Variants in MMAA observed in about 807,000 individuals in gnomAD.
The protein encoded by MMAA is methylmalonic aciduria type A protein, mitochondrial.
MMAA carries 41 observed loss-of-function variants against 45.0 expected under a neutral mutation model. The ratio of observed to expected loss-of-function variants is 0.91; its 90% CI spans 0.71 to 1.18. The LOEUF is 1.18. Among genes scored for constraint, MMAA ranks in the 50% most tolerant of loss-of-function variants. MMAA has a pLI of 0.00. For missense variants in MMAA, 460 were observed against 495.7 expected, an observed-to-expected ratio of 0.93 and a Z score of 0.68; for synonymous variants, 154 against 178.2, an observed-to-expected ratio of 0.86 and a Z score of 1.08.
chr4:145,620,019 T>G (rs1452605039), intron 1 of MMAA, among the ~76,000 whole-genome samples: 1 of 152,210 alleles, frequency 6.6e-6, no homozygotes, highest in Non-Finnish European at 1.5e-5. Context: ...AATATAAAAA[T>G]TTTTTATTAT....
intron 1 of MMAA, among the ~76,000 whole-genome samples, chr4:145,626,811 A>C (rs1560790962): frequency 1.3e-5 from 2 of 152,172 alleles, no homozygotes; most frequent in Admixed American, 6.5e-5. Flanking sequence ...CACATGATAA[A>C]CACTCAGTAG....
Position 145,639,428 on chromosome 4 carries a change from C to G in MMAA, c.289C>G (p.Gln97Glu). Residue 97 changes from glutamine to glutamate, a missense_variant, in exon 2 of 7, where the codon CAA becomes GAA. Transcript: ENST00000649156. ...DKLYTGLIQG[Q>E]RACLAEAITL... ...ACTTTATACTGGTTTAATCCAAGGGCAAAGGGCCTGTTTAGCAGAGGCCAT... is the reference window on the plus strand; with the variant it reads ...ACTTTATACTGGTTTAATCCAAGGGGAAAGGGCCTGTTTAGCAGAGGCCAT... 1 of 1,614,148 alleles carries G rather than the reference C, an allele frequency of 6.2e-7. No homozygotes were observed. The highest frequency in any genetic ancestry group is 8.5e-7 in the Non-Finnish European group (1 of 1,180,026).
At chr4:145,624,778 C>G (rs1382980440) in intron 1 of MMAA, 1 of 1,604,204 alleles carries the variant, frequency 6.2e-7, no homozygotes, top group East Asian at 2.2e-5. Flanking sequence ...TACACGCACT[C>G]TGCAAAGCTT....
At chr4:145,624,911 A>G in intron 1 of MMAA, 2 of 1,513,932 alleles carry the variant, frequency 1.3e-6, no homozygotes, top group Non-Finnish European at 9.2e-7. Flanking sequence ...CCAAGTGGTC[A>G]TGCAGGCACT....
chr4:145,654,069 G>A lies in MMAA; in HGVS notation c.895G>A (p.Ala299Thr), dbSNP rs1412443856. 1.9e-6 allele frequency: 3 copies of A among 1,614,014 alleles called. No homozygotes were observed. In the African/African-American group the frequency reaches 4.0e-5, roughly 22 times the overall value. ...TKSDGDLIVP[A>T]RRIQAEYVSA... is the part of the protein sequence containing the mutation. ...ATCTGATGGAGACTTGATTGTGCCA[G>A]CTCGAAGGATACAAGCGGAATATGT... Residue 299 changes from alanine to threonine, a missense_variant, in exon 6 of 7, where the codon GCT (alanine) becomes ACT (threonine). Ala to Thr is a moderately conservative substitution (Grantham distance 58). Transcript: ENST00000649156.
At chr4:145,654,268 A>T in intron 6 of MMAA, 125 bp downstream of exon 6, 1 of 1,205,292 alleles carries the variant, frequency 8.3e-7, no homozygotes, top group East Asian at 2.4e-5. Context: ...AGTTTTAAAA[A>T]TCATGACAAA....
At chr4:145,629,614 G>A (rs1411938660) in intron 1 of MMAA, among the ~76,000 whole-genome samples, 1 of 151,990 alleles carries the variant, frequency 6.6e-6, no homozygotes, top group Non-Finnish European at 1.5e-5. Context: ...TTTTCATGTT[G>A]CTGACAAAGA....
In MMAA at chr4:145,656,411, A is replaced by G. The variant is rs1483058168; in HGVS notation, c.*977A>G. The G allele has an allele frequency of 2.6e-5, 4 of 152,084 alleles. No individual in the cohort carries two copies. The highest frequency in any genetic ancestry group is 4.4e-5 in the Non-Finnish European group (3 of 68,006). The allele number at this position is 152,084 out of a possible 1,614,324, so 9.4% of individuals were successfully genotyped here. A position where few individuals can be genotyped will look rare whatever the true frequency, so the allele number is the denominator to read the frequency against. On this transcript the variant is annotated 3_prime_UTR_variant, in exon 7 of 7. Coordinates refer to ENST00000649156, the MANE Select transcript of MMAA (RefSeq NM_172250.3). ...CATGAGCTAATCTCTTTAAGCTTCC[A>G]TTTCCTCCCTGGTAAAATGAAATTG...
In MMAA at chr4:145,658,574, A is replaced by T. The variant is rs1429921521; in HGVS notation, c.*3140A>T. ...CCTAACAAGGCATTTTCTCTTCAGA[A>T]TCACTCGATCATATGGCCATTTCCC... On this transcript the variant is annotated 3_prime_UTR_variant, in exon 7 of 7. Coordinates refer to ENST00000649156, the MANE Select transcript of MMAA (RefSeq NM_172250.3). 6.6e-6 allele frequency: 1 copy of T among 152,162 alleles called. No homozygotes were observed. Among genetic ancestry groups the T allele is most frequent in the Non-Finnish European group, 1.5e-5 (1 of 68,038 alleles). The allele number at this position is 152,162 out of a possible 1,614,324, so 9.4% of individuals were successfully genotyped here. A position where few individuals can be genotyped will look rare whatever the true frequency, so the allele number is the denominator to read the frequency against.
intron 1 of MMAA, among the ~76,000 whole-genome samples, chr4:145,627,328 A>G (rs17020457): frequency 0.017 from 2,536 of 152,294 alleles, 73 homozygotes; most frequent in African/African-American, 0.058. Context: ...AGGTGTCTTG[A>G]TTCAAAACAG....
chr4:145,628,264 T>C (rs1235710235), intron 1 of MMAA, among the ~76,000 whole-genome samples: 1 of 152,246 alleles, frequency 6.6e-6, no homozygotes, highest in African/African-American at 2.4e-5. Flanking sequence ...CTGTATTAGT[T>C]TCCTATAGCT....
chr4:145,647,950 G>A (rs1017352042), intron 4 of MMAA, among the ~76,000 whole-genome samples: 5 of 151,738 alleles, frequency 3.3e-5, no homozygotes, highest in Non-Finnish European at 5.9e-5. Context: ...TCCGCCTCCC[G>A]GGTTCACGCC....
At chr4:145,646,968 G>GGAGCAGGAAGATCCTGCTGGAT (rs1355642035) in intron 4 of MMAA, among the ~76,000 whole-genome samples, 14 of 152,300 alleles carry the variant, frequency 9.2e-5, no homozygotes, top group Admixed American at 2.0e-4. Flanking sequence ...TACCCTGAAA[G>GGAGCAGGAAGATCCTGCTGGAT]GAGCAGGAAG....
At chr4:145,641,981 T>C (rs910114787) in intron 2 of MMAA, among the ~76,000 whole-genome samples, 5 of 152,176 alleles carry the variant, frequency 3.3e-5, no homozygotes, top group Non-Finnish European at 5.9e-5. Context: ...GGAAGAAGTA[T>C]ACAGAACTGA....
intron 4 of MMAA, among the ~76,000 whole-genome samples, chr4:145,648,101 C>T (rs1406429092): frequency 2.0e-5 from 3 of 150,268 alleles, no homozygotes; most frequent in Admixed American, 6.7e-5. Context: ...CCTTGTGATC[C>T]GCCTGCCTCA....
chr4:145,633,208 T>C (rs1474928101), intron 1 of MMAA, among the ~76,000 whole-genome samples: 4 of 146,494 alleles, frequency 2.7e-5, no homozygotes, highest in Non-Finnish European at 6.0e-5. Context: ...TTTTTTTTTT[T>C]TTTTTTTTTG....
chr4:145,621,982 T>G (rs997521745), intron 1 of MMAA, among the ~76,000 whole-genome samples: 9 of 152,146 alleles, frequency 5.9e-5, no homozygotes, highest in African/African-American at 2.2e-4. Context: ...GAGTAATCAG[T>G]GTAGTGGAGT....
intron 1 of MMAA, among the ~76,000 whole-genome samples, chr4:145,629,873 C>T (rs181594710): frequency 6.6e-6 from 1 of 152,202 alleles, no homozygotes; most frequent in East Asian, 1.9e-4. Flanking sequence ...CAGTCATTTC[C>T]CACTGGGTGC....
chr4:145,619,800 C>T (rs954841210), intron 1 of MMAA, among the ~76,000 whole-genome samples: 2 of 152,162 alleles, frequency 1.3e-5, no homozygotes, highest in Non-Finnish European at 2.9e-5. Flanking sequence ...GAGAAAGCCA[C>T]TATGACTCCT....
Sources: gnomAD v4.1 joint callset for allele counts (sites outside exome capture counted in the v4.1 genomes callset) on GRCh38, gnomAD v4.1.1 for gene constraint, MANE v1.5 for transcripts, NCBI Gene and HGNC (gene_info 2026-07-23, HGNC 2026-07-21) for gene names.